Variants in GSE1 observed in about 807,000 individuals in gnomAD.
GSE1 encodes Gse1 coiled-coil protein, also known as genetic suppressor element 1.
GSE1 carries 32 observed loss-of-function variants against 112.6 expected under a neutral mutation model. The observed-to-expected ratio is 0.28, with a 90% confidence interval of 0.21 to 0.38. The LOEUF is 0.38. Among genes scored for constraint, GSE1 ranks in the 10% least tolerant of loss-of-function variants. The pLI is 1.00. For missense variants in GSE1, 2,348 were observed against 1,699.2 expected (o/e 1.38, Z -6.71); for synonymous variants, 1,115 against 735.6 (o/e 1.52, Z -8.35).
intron 2 of GSE1, among the ~76,000 whole-genome samples, chr16:85,506,439 G>T (rs1281171128): frequency 6.6e-6 from 1 of 152,124 alleles, no homozygotes; most frequent in African/African-American, 2.4e-5. Context: ...GATCTGGTGG[G>T]TCCACCAGGG....
At chr16:85,642,402 A>G (rs2151825429) in intron 2 of GSE1, among the ~76,000 whole-genome samples, 1 of 152,334 alleles carries the variant, frequency 6.6e-6, no homozygotes, top group Non-Finnish European at 1.5e-5. Context: ...GCAGACACAC[A>G]GGGTCCCCTG....
chr16:85,656,247 C>T lies in GSE1; in HGVS notation c.990-96C>T, dbSNP rs1295148939. The T allele has an allele frequency of 4.7e-6, 7 of 1,476,828 alleles. No homozygotes were observed. In the East Asian group the frequency reaches 1.6e-4, roughly 34 times the overall value. The allele number at this position is 1,476,828 out of a possible 1,614,324, so 91.5% of individuals were successfully genotyped here. ...TCCCGTCACTGTTCAGATTAGCGCCCTGGCTCGTTCCTGGTTATGCTTTTT... is the reference window on the plus strand; with the variant it reads ...TCCCGTCACTGTTCAGATTAGCGCCTTGGCTCGTTCCTGGTTATGCTTTTT... On this transcript the variant is annotated intron_variant, in intron 6 of 15. Coordinates refer to ENST00000253458, the MANE Select transcript of GSE1 (RefSeq NM_014615.5).
chr16:85,619,093 C>CGGCAGGG lies in GSE1; in HGVS notation c.7+5695_7+5696insGGCAGGG, dbSNP rs1291759986. On this transcript the variant is annotated intron_variant, in intron 1 of 15. Coordinates refer to ENST00000253458, the MANE Select transcript of GSE1 (RefSeq NM_014615.5). ...TTCTGCCCTAAGGCTCAAGTCACCACAGCAGACCCTGCCGGCCCCTCTGCT... is the reference window on the plus strand; with the variant it reads ...TTCTGCCCTAAGGCTCAAGTCACCACGGCAGGGAGCAGACCCTGCCGGCCCCTCTGCT... Among the ~76,000 whole-genome samples the CGGCAGGG allele has an allele frequency of 2.2e-4, 33 of 152,354 alleles. No homozygotes were observed. The South Asian group carries it at 6.6e-3, about 31-fold the overall frequency.
At position 85,661,556 on chromosome 16, in the gene GSE1, C is replaced by G. The variant is rs143901261; in HGVS notation, c.2051C>G (p.Thr684Ser). ...GCTGAGCTCGAGAAGTCCACCCAGACCATCCTGGGCCAGCAGCGGGCCTCC... is the reference window on the plus strand; with the variant it reads ...GCTGAGCTCGAGAAGTCCACCCAGAGCATCCTGGGCCAGCAGCGGGCCTCC... ...FLAELEKSTQTILGQQRASLP... is the reference protein window; with the variant it reads ...FLAELEKSTQSILGQQRASLP... The change falls in exon 9 of 16, where the codon ACC becomes AGC. Residue 684 changes from threonine to serine, a missense_variant. Transcript: ENST00000253458. 1 of 1,611,658 alleles carries G rather than the reference C, an allele frequency of 6.2e-7. No individual in the cohort carries two copies. The highest frequency in any genetic ancestry group is 1.3e-5 in the African/African-American group (1 of 75,054).
intron 1 of GSE1, among the ~76,000 whole-genome samples, chr16:85,584,978 C>G (rs770084535): frequency 6.6e-6 from 1 of 152,088 alleles, no homozygotes; most frequent in South Asian, 2.1e-4. Flanking sequence ...TAATGGGATG[C>G]GCCAGAGATG....
chr16:85,308,689 T>TG (rs1157563606), intron 1 of GSE1, among the ~76,000 whole-genome samples: 6 of 151,916 alleles, frequency 3.9e-5, no homozygotes, highest in Non-Finnish European at 5.9e-5. Context: ...ACACATTGCC[T>TG]GGGGAAGGCT....
At chr16:85,477,776 G>C (rs2050506435) in intron 2 of GSE1, among the ~76,000 whole-genome samples, 1 of 151,726 alleles carries the variant, frequency 6.6e-6, no homozygotes, top group South Asian at 2.1e-4. Flanking sequence ...TGGCCAGGCT[G>C]GTCTCGAACT....
intron 2 of GSE1, among the ~76,000 whole-genome samples, chr16:85,506,813 G>A (rs2151923362): frequency 6.6e-6 from 1 of 152,290 alleles, no homozygotes; most frequent in African/African-American, 2.4e-5. Flanking sequence ...AGTGATCATA[G>A]CAGACGAAGC....
intron 1 of GSE1, among the ~76,000 whole-genome samples, chr16:85,253,856 G>T (rs1000173364): frequency 6.6e-6 from 1 of 152,160 alleles, no homozygotes; most frequent in Non-Finnish European, 1.5e-5. Context: ...GGACAGGCTG[G>T]GTGCTGTGGG....
intron 2 of GSE1, among the ~76,000 whole-genome samples, chr16:85,446,003 C>T (rs1047191891): frequency 6.6e-6 from 1 of 152,206 alleles, no homozygotes; most frequent in Non-Finnish European, 1.5e-5. Flanking sequence ...CGGGTAACGG[C>T]TGTGCGTGTA....
chr16:85,474,781 C>G (rs951491336), intron 2 of GSE1, among the ~76,000 whole-genome samples: 10 of 151,964 alleles, frequency 6.6e-5, no homozygotes, highest in Admixed American at 5.9e-4. Context: ...CTCCAGGACC[C>G]CTGGAAGGGG....
At chr16:85,618,984 C>T (rs1206695314) in intron 1 of GSE1, among the ~76,000 whole-genome samples, 1 of 152,220 alleles carries the variant, frequency 6.6e-6, no homozygotes, top group Non-Finnish European at 1.5e-5. Flanking sequence ...TTATAAAGTT[C>T]CAAGGCTCTG....
chr16:85,569,971 G>GTCC (rs1404326680), intron 1 of GSE1, among the ~76,000 whole-genome samples: 1 of 152,194 alleles, frequency 6.6e-6, no homozygotes, highest in Non-Finnish European at 1.5e-5. Context: ...CCCCGCCTCT[G>GTCC]TCGGAGGAGG....
intron 2 of GSE1, among the ~76,000 whole-genome samples, chr16:85,518,121 G>C (rs1032976612): frequency 6.6e-6 from 1 of 152,208 alleles, no homozygotes; most frequent in African/African-American, 2.4e-5. Context: ...GGCTATCACT[G>C]CCCTGCAGAG....
At chr16:85,441,134 G>A (rs1223127002) in intron 2 of GSE1, among the ~76,000 whole-genome samples, 3 of 152,218 alleles carry the variant, frequency 2.0e-5, no homozygotes, top group African/African-American at 4.8e-5. Context: ...ATAGGCTGGG[G>A]TTTCTCAGCC....
chr16:85,418,030 G>C (rs1023513407), intron 2 of GSE1, among the ~76,000 whole-genome samples: 1 of 152,156 alleles, frequency 6.6e-6, no homozygotes. Context: ...GTAGAGATGG[G>C]GTTTCACCAT....
rs187727205 is a variant in GSE1, at chr16:85,511,197, C to T, written c.2465-122717C>T. On this transcript the variant is annotated intron_variant, in intron 2 of 2. Coordinates refer to the GSE1 transcript ENST00000637419. ...CTCAGAGAAGCAAGAACCTGGAAGG[C>T]TTTTCCCTTTCTATGTGTGGTAGGC... is the stretch of plus-strand genomic sequence containing the variant. Among the ~76,000 whole-genome samples, 916 of 152,330 alleles carry T rather than the reference C, an allele frequency of 6.0e-3. 1 individual carries two copies. Among genetic ancestry groups the T allele is most frequent in the Non-Finnish European group, 9.9e-3 (673 of 68,036 alleles).
At chr16:85,554,985 G>A (rs1567583768), upstream of GSE1, 1 of 985,192 alleles carries the variant, frequency 1.0e-6, no homozygotes, top group Non-Finnish European at 1.2e-6. Context: ...CCCGCTCCCC[G>A]TCCGCATGGA....
intron 2 of GSE1, among the ~76,000 whole-genome samples, chr16:85,518,520 C>T (rs1194807698): frequency 6.6e-6 from 1 of 152,088 alleles, no homozygotes; most frequent in African/African-American, 2.4e-5. Context: ...GCTGAAGGGG[C>T]CTTCAGGGTG....
Sources: allele counts gnomAD v4.1 joint callset (sites outside exome capture counted in the v4.1 genomes callset), GRCh38; gene constraint gnomAD v4.1.1; transcripts MANE v1.5; gene names NCBI Gene and HGNC (gene_info 2026-07-23, HGNC 2026-07-21).